ARSG: variants seen among roughly 807,000 people sequenced by gnomAD.
The protein encoded by ARSG is arylsulfatase G.
A neutral mutation model predicts 50.5 loss-of-function variants in ARSG; 37 were observed. The observed-to-expected ratio is 0.73, with a 90% CI of 0.56 to 0.96. The LOEUF (loss-of-function observed/expected upper bound fraction) is 0.96, where lower values mean the gene tolerates loss of function less well. Among genes scored for constraint, ARSG ranks in the 50% least tolerant of loss-of-function variants. ARSG has a pLI of 0.00. For synonymous variants in ARSG, 225 were observed against 254.6 expected (o/e 0.88, Z 1.11); for missense variants, 629 against 675.3 (o/e 0.93, Z 0.76).
Position 68,352,511 on chromosome 17 carries a change from T to G in ARSG, c.566+825T>G, listed in dbSNP as rs372574759. ...CAGGGTTTTCATTTTCTTTTTTCTT[T>G]CTTTTTTTTTTTTTTTGAGATGGAG... On this transcript the variant is annotated intron_variant, in intron 5 of 11. Transcript: ENST00000621439. 2.5e-4 allele frequency among the ~76,000 whole-genome samples: 33 copies of G among 129,606 alleles called. 1 individual carries two copies. The East Asian group carries it at 5.7e-3, about 22-fold the overall frequency. 85.0% of individuals were successfully genotyped at this position (129,606 alleles called of 152,430 possible). A position where few individuals can be genotyped will look rare whatever the true frequency, so the allele number is the denominator to read the frequency against.
At chr17:68,375,851 A>G (rs1465883336) in intron 8 of ARSG, among the ~76,000 whole-genome samples, 1 of 152,086 alleles carries the variant, frequency 6.6e-6, no homozygotes, top group Non-Finnish European at 1.5e-5. Flanking sequence ...ATAGCGAGAG[A>G]TGGGGCCAGC....
chr17:68,372,278 A>G (rs757848981), intron 8 of ARSG, among the ~76,000 whole-genome samples: 1 of 151,598 alleles, frequency 6.6e-6, no homozygotes, highest in Non-Finnish European at 1.5e-5. Flanking sequence ...TCATCTATCT[A>G]TCTATCTATC....
Position 68,392,568 on chromosome 17 carries a change from C to T in ARSG, c.1092-2505C>T, listed in dbSNP as rs191704122. 2.0e-3 allele frequency among the ~76,000 whole-genome samples: 301 copies of T among 152,264 alleles called. 1 individual carries two copies. Among genetic ancestry groups the T allele is most frequent in the African/African-American group, 7.0e-3 (290 of 41,548 alleles). On this transcript the variant is annotated intron_variant, in intron 9 of 11. Coordinates refer to ENST00000621439, the MANE Select transcript of ARSG (RefSeq NM_001267727.2). ...AGGCTGGAGTGCAGTGGTGCAATCT[C>T]GGCTCACTGCAACCTCCACCTCCCA...
In ARSG at chr17:68,420,180, CCT is replaced by C. The variant is rs1326930724; in HGVS notation, c.1304-4_1304-3del. On this transcript the variant is annotated splice_polypyrimidine_tract_variant and splice_region_variant and intron_variant, in intron 11 of 11. Transcript: ENST00000621439. ...GTTAGCGAGGCATTTGTTGTCATTC[CCT>C]CTCTAGGTGGAGCCAGGGCGTGTGA... 2.9e-5 allele frequency: 46 copies of C among 1,612,652 alleles called. No homozygotes were observed. Among genetic ancestry groups the C allele is most frequent in the Non-Finnish European group, 3.7e-5 (44 of 1,179,414 alleles).
chr17:68,265,755 T>G (rs1599473143), intron 1 of ARSG, among the ~76,000 whole-genome samples: 2 of 63,466 alleles, frequency 3.2e-5, no homozygotes, highest in African/African-American at 1.4e-4. Flanking sequence ...TGTGTGTTGT[T>G]TTTTTTTTTT....
intron 2 of ARSG, among the ~76,000 whole-genome samples, chr17:68,331,445 C>T (rs1399420327): frequency 3.3e-5 from 5 of 152,018 alleles, no homozygotes; most frequent in Admixed American, 2.0e-4. Flanking sequence ...GGGGTTTCAC[C>T]GTGTTAGCCA....
At chr17:68,390,905 C>T (rs1018253943) in intron 9 of ARSG, among the ~76,000 whole-genome samples, 1 of 146,742 alleles carries the variant, frequency 6.8e-6, no homozygotes, top group East Asian at 2.0e-4. Flanking sequence ...GAGATTACAA[C>T]TGTGAGCCAC....
rs782682614 is a variant in ARSG at position 68,271,461 on chromosome 17, G to A, written c.-552+12035G>A. 3 of 1,614,128 alleles carry A rather than the reference G, an allele frequency of 1.9e-6. No individual in the cohort carries two copies. Among genetic ancestry groups the A allele is most frequent in the Non-Finnish European group, 2.5e-6 (3 of 1,180,028 alleles). On this transcript the variant is annotated intron_variant, in intron 1 of 11. Transcript: ENST00000448504. The surrounding 1 kb of genome is among the most constrained non-coding windows in gnomAD (Gnocchi z 5.3). ...CTCCTGAGTCAATGGAGTCTATTGA[G>A]GTTCGTGTTTTCTCATTTTCAAGCA...
chr17:68,418,727 T>G (rs773205882), intron 11 of ARSG, among the ~76,000 whole-genome samples: 4 of 152,140 alleles, frequency 2.6e-5, no homozygotes, highest in Non-Finnish European at 5.9e-5. Context: ...CAGTTTTATT[T>G]TTCATAAGAA....
intron 7 of ARSG, among the ~76,000 whole-genome samples, chr17:68,369,368 T>C (rs1048751136): frequency 6.6e-6 from 1 of 152,156 alleles, no homozygotes; most frequent in African/African-American, 2.4e-5. Context: ...GGCAAAACCC[T>C]GTCTCCACTA....
chr17:68,281,850 A>G (rs1181950428), intron 1 of ARSG, among the ~76,000 whole-genome samples: 1 of 152,206 alleles, frequency 6.6e-6, no homozygotes, highest in African/African-American at 2.4e-5. Context: ...GGAGAACAGT[A>G]TGGAGCTTCC....
intron 11 of ARSG, among the ~76,000 whole-genome samples, chr17:68,403,858 C>G (rs992074420): frequency 1.3e-5 from 2 of 152,126 alleles, no homozygotes; most frequent in African/African-American, 4.8e-5. Context: ...TCCCTCCCCC[C>G]TCACCCCACC....
At chr17:68,388,873 C>T (rs532707858) in intron 9 of ARSG, among the ~76,000 whole-genome samples, 2 of 147,706 alleles carry the variant, frequency 1.4e-5, no homozygotes, top group African/African-American at 5.1e-5. Context: ...TGCTGTGAGC[C>T]GAGATCGCAC....
At chr17:68,276,610 G>A (rs1397303936) in intron 1 of ARSG, among the ~76,000 whole-genome samples, 7 of 151,596 alleles carry the variant, frequency 4.6e-5, no homozygotes, top group Admixed American at 6.6e-5. Flanking sequence ...CACCATGCCC[G>A]GCCAATTTTT....
At chr17:68,286,734 A>T (rs1362785921), upstream of ARSG, among the ~76,000 whole-genome samples, 1 of 152,068 alleles carries the variant, frequency 6.6e-6, no homozygotes, top group Non-Finnish European at 1.5e-5. Context: ...CGAACTCCTG[A>T]CCTCAAGTGA....
intron 2 of ARSG, among the ~76,000 whole-genome samples, chr17:68,328,137 G>A (rs781833922): frequency 2.0e-5 from 3 of 152,084 alleles, no homozygotes; most frequent in Admixed American, 1.3e-4. Flanking sequence ...CAGCAGCATC[G>A]AAATGCCACT....
the ARSG span, among the ~76,000 whole-genome samples, chr17:68,433,971 C>T: frequency 4.0e-5 from 6 of 151,756 alleles, no homozygotes; most frequent in African/African-American, 9.7e-5. Context: ...TTAGTAGAGA[C>T]GGTGTTTCAC....
chr17:68,372,269 C>CATCT (rs918775706), intron 8 of ARSG, among the ~76,000 whole-genome samples: 10 of 151,840 alleles, frequency 6.6e-5, no homozygotes, highest in South Asian at 2.1e-4. Flanking sequence ...ATCTAACTGT[C>CATCT]ATCTATCTAT....
intron 1 of ARSG, among the ~76,000 whole-genome samples, chr17:68,280,868 T>C (rs903185437): frequency 5.9e-5 from 9 of 152,206 alleles, no homozygotes; most frequent in African/African-American, 2.2e-4. Context: ...TGTCACGCTA[T>C]AATCCCAGCA....
Sources: gnomAD v4.1 joint callset for allele counts (sites outside exome capture counted in the v4.1 genomes callset) on GRCh38, gnomAD v4.1.1 for gene constraint, Gnocchi (gnomAD v3.1) non-coding constraint, MANE v1.5 for transcripts, NCBI Gene and HGNC (gene_info 2026-07-23, HGNC 2026-07-21) for gene names.